The following DCC variants were observed in gnomAD, a reference collection of about 807,000 sequenced individuals.
The protein encoded by DCC is netrin receptor DCC.
In DCC, 58 loss-of-function variants were observed where a neutral mutation model predicts 172.5. The ratio of observed to expected loss-of-function variants is 0.34; its 90% CI spans 0.27 to 0.42. The LOEUF is 0.42. Among genes scored for constraint, DCC ranks in the 10% least tolerant of loss-of-function variants. The pLI is 1.00. For missense variants in DCC, 1,740 were observed against 1,791.0 expected (o/e 0.97, Z 0.51); for synonymous variants, 709 against 644.5 (o/e 1.10, Z -1.52).
At chr18:52,789,979 GCT>G (rs1421574251) in intron 2 of DCC, among the ~76,000 whole-genome samples, 2 of 152,078 alleles carry the variant, frequency 1.3e-5, no homozygotes, top group Non-Finnish European at 2.9e-5. Flanking sequence ...TCCCTTAACT[GCT>G]CTCAAGATCA....
intron 1 of DCC, among the ~76,000 whole-genome samples, chr18:52,635,326 A>AT (rs2034753445): frequency 6.6e-6 from 1 of 152,156 alleles, no homozygotes; most frequent in African/African-American, 2.4e-5. Flanking sequence ...AAAATGAACA[A>AT]CCTTTGCCCT....
chr18:52,793,014 G>T (rs957313238), intron 2 of DCC, among the ~76,000 whole-genome samples: 8 of 150,742 alleles, frequency 5.3e-5, no homozygotes, highest in African/African-American at 1.2e-4. Flanking sequence ...ATAGAAGAAA[G>T]GAGAGAGGAG....
At chr18:52,518,112 GA>G (rs1301370826) in intron 1 of DCC, among the ~76,000 whole-genome samples, 6 of 151,700 alleles carry the variant, frequency 4.0e-5, no homozygotes, top group Non-Finnish European at 8.8e-5. Flanking sequence ...ACCTTATATT[GA>G]AAAAAGAAAA....
chr18:52,434,411 A>G (rs910144447), intron 1 of DCC, among the ~76,000 whole-genome samples: 1 of 152,192 alleles, frequency 6.6e-6, no homozygotes, highest in Non-Finnish European at 1.5e-5. Flanking sequence ...AAGAGTGCCC[A>G]AAAATGTCAA....
chr18:53,462,040 A>T (rs1344259526), intron 24 of DCC, among the ~76,000 whole-genome samples: 1 of 152,134 alleles, frequency 6.6e-6, no homozygotes, highest in African/African-American at 2.4e-5. Context: ...AGAGGGATGG[A>T]GTGAAGAGGG....
chr18:53,363,468 C>T (rs1261484363), intron 15 of DCC, among the ~76,000 whole-genome samples: 1 of 152,164 alleles, frequency 6.6e-6, no homozygotes. Context: ...CAGTCATACT[C>T]AGAAGAATAA....
At chr18:53,163,852 A>G (rs552994237) in intron 8 of DCC, among the ~76,000 whole-genome samples, 1 of 152,316 alleles carries the variant, frequency 6.6e-6, no homozygotes, top group East Asian at 1.9e-4. Context: ...TGATCAGAGG[A>G]AAGTCCATGC....
At chr18:52,479,849 C>G (rs2029886045) in intron 1 of DCC, among the ~76,000 whole-genome samples, 1 of 152,062 alleles carries the variant, frequency 6.6e-6, no homozygotes, top group African/African-American at 2.4e-5. Flanking sequence ...GTTCTGAGCT[C>G]TGTTTTAACC....
intron 1 of DCC, among the ~76,000 whole-genome samples, chr18:52,509,991 C>T (rs2031374808): frequency 6.6e-6 from 1 of 152,060 alleles, no homozygotes; most frequent in South Asian, 2.1e-4. Context: ...GTTATCCCAG[C>T]TACTCTAGAG....
chr18:52,690,323 C>T (rs188008979), intron 1 of DCC, among the ~76,000 whole-genome samples: 61 of 152,208 alleles, frequency 4.0e-4, no homozygotes, highest in Admixed American at 1.3e-3. Flanking sequence ...TGTACAAACA[C>T]ATACTGTAAG....
At chr18:52,543,330 A>AT (rs1286400166) in intron 1 of DCC, among the ~76,000 whole-genome samples, 1 of 152,060 alleles carries the variant, frequency 6.6e-6, no homozygotes, top group African/African-American at 2.4e-5. Flanking sequence ...AAGTTTTTAC[A>AT]TTTTTTTCTA....
intron 1 of DCC, among the ~76,000 whole-genome samples, chr18:52,365,536 G>T (rs1984810421): frequency 6.6e-6 from 1 of 151,762 alleles, no homozygotes; most frequent in East Asian, 1.9e-4. Flanking sequence ...TGGGGTTTAT[G>T]GTCTGAGGTA....
At chr18:53,351,418 C>CACTGTATATATATATAT (rs2057806231) in intron 15 of DCC, among the ~76,000 whole-genome samples, 3 of 19,256 alleles carry the variant, frequency 1.6e-4, no homozygotes, top group East Asian at 1.5e-3. Context: ...TATATATATA[C>CACTGTATATATATATAT]ACACTGTGTA....
At chr18:52,647,801 C>T (rs2035047159) in intron 1 of DCC, among the ~76,000 whole-genome samples, 1 of 152,208 alleles carries the variant, frequency 6.6e-6, no homozygotes, top group Non-Finnish European at 1.5e-5. Context: ...GAAGACTGAT[C>T]AAACTACTGC....
In DCC at chr18:52,586,082, CAAAAAAAAAAAAAAA is replaced by C. The variant is rs5824949; in HGVS notation, c.92-165960_92-165946del. On this transcript the variant is annotated intron_variant, in intron 1 of 28. Coordinates refer to ENST00000442544, the MANE Select transcript of DCC (RefSeq NM_005215.4). ...TGGGCGACAGAGCAAGACTCCGTCT[CAAAAAAAAAAAAAAA>C]AAAAAAAAAAACAAAAACACTGTCA... 2.2e-4 allele frequency among the ~76,000 whole-genome samples: 16 copies of C among 73,236 alleles called. No homozygotes were observed. The East Asian group carries it at 5.0e-3, about 23-fold the overall frequency. 48.0% of individuals were successfully genotyped at this position (73,236 alleles called of 152,430 possible).
intron 5 of DCC, among the ~76,000 whole-genome samples, chr18:52,968,081 A>G (rs1340702297): frequency 6.6e-6 from 1 of 152,186 alleles, no homozygotes; most frequent in Non-Finnish European, 1.5e-5. Context: ...GCATTTATTA[A>G]CCATCTATAC....
intron 5 of DCC, among the ~76,000 whole-genome samples, chr18:52,960,652 C>G (rs948166195): frequency 1.3e-5 from 2 of 151,710 alleles, no homozygotes; most frequent in African/African-American, 4.9e-5. Context: ...CAAAGCGTAC[C>G]CAACATTATG....
intron 12 of DCC, among the ~76,000 whole-genome samples, chr18:53,262,378 A>G (rs73463029): frequency 0.053 from 8,115 of 152,298 alleles, 753 homozygotes; most frequent in African/African-American, 0.18. Flanking sequence ...ACTTTCTGGC[A>G]TAACTTTTTT....
chr18:53,263,383 C>T (rs1342583474), intron 12 of DCC, among the ~76,000 whole-genome samples: 2 of 152,092 alleles, frequency 1.3e-5, no homozygotes, highest in Admixed American at 6.6e-5. Context: ...AACTCCTGAC[C>T]TCAAGTAATC....
Sources: gnomAD v4.1 joint callset for allele counts (sites outside exome capture counted in the v4.1 genomes callset) on GRCh38, gnomAD v4.1.1 for gene constraint, MANE v1.5 for transcripts, NCBI Gene and HGNC (gene_info 2026-07-23, HGNC 2026-07-21) for gene names.